CDH4: variants seen among roughly 807,000 people sequenced by gnomAD.
CDH4 encodes the protein cadherin-4.
Under a neutral mutation model 86.0 loss-of-function variants are expected in CDH4, and 33 were observed. The observed-to-expected ratio is 0.38, with a 90% confidence interval of 0.29 to 0.51. The LOEUF is 0.51. Among genes scored for constraint, CDH4 ranks in the 20% least tolerant of loss-of-function variants. The pLI is 0.86. For synonymous variants in CDH4, 555 were observed against 549.4 expected, an observed-to-expected ratio of 1.01 and a Z score of -0.14; for missense variants, 1,114 against 1,307.4, an observed-to-expected ratio of 0.85 and a Z score of 2.28.
chr20:61,765,093 C>T (rs765503346), intron 3 of CDH4, among the ~76,000 whole-genome samples: 1 of 152,172 alleles, frequency 6.6e-6, no homozygotes, highest in Non-Finnish European at 1.5e-5. Flanking sequence ...GCCTCAGGCC[C>T]CCACACCCTT....
intron 7 of CDH4, among the ~76,000 whole-genome samples, chr20:61,874,560 C>T (rs1047735912): frequency 2.6e-5 from 4 of 152,164 alleles, no homozygotes; most frequent in African/African-American, 9.6e-5. Context: ...TGGGTGAGGT[C>T]GGGGGCCTGC....
In CDH4 at chr20:61,392,807, C is replaced by A. The variant is rs942242234; in HGVS notation, c.169+137870C>A. Among the ~76,000 whole-genome samples the A allele has an allele frequency of 1.6e-4, 25 of 152,182 alleles. No homozygotes were observed. The highest frequency in any genetic ancestry group is 5.8e-4 in the African/African-American group (24 of 41,430). ...TAGCGGGGTAGAAACACTGGCCCCC[C>A]ACGGTGCTCTAGAAATGTCAGATGC... On this transcript the variant is annotated intron_variant, in intron 2 of 15. Transcript: ENST00000614565. This position sits in a 1 kb window ranked among gnomAD's most constrained non-coding sequence, Gnocchi z 5.7.
intron 6 of CDH4, among the ~76,000 whole-genome samples, chr20:61,869,384 T>C (rs1174682584): frequency 1.3e-5 from 2 of 152,178 alleles, no homozygotes; most frequent in African/African-American, 4.8e-5. Flanking sequence ...CTTTGAGGAG[T>C]TGGAACAGGG....
chr20:61,335,573 T>C (rs551875140), intron 2 of CDH4, among the ~76,000 whole-genome samples: 6 of 152,206 alleles, frequency 3.9e-5, no homozygotes, highest in Non-Finnish European at 8.8e-5. Context: ...CACATTTCTC[T>C]GAATCTCCAT....
chr20:61,486,510 C>T (rs1033585836), intron 2 of CDH4, among the ~76,000 whole-genome samples: 3 of 152,230 alleles, frequency 2.0e-5, no homozygotes, highest in Non-Finnish European at 1.5e-5. Flanking sequence ...AGCCAGTGTC[C>T]GGCATGTGCT....
intron 7 of CDH4, among the ~76,000 whole-genome samples, chr20:61,877,428 C>T (rs771743689): frequency 1.5e-4 from 21 of 144,270 alleles, no homozygotes; most frequent in Non-Finnish European, 8.9e-5. Context: ...ACATAAAATG[C>T]TCATTTAAAA....
chr20:61,732,969 A>G lies in CDH4; in HGVS notation c.170-10594A>G, dbSNP rs1328871795. ...AGCCCCTTCAGCACCGGCTAGAGTG[A>G]CCAGCTGGGGGCCTAATTCTCCCCC... On this transcript the variant is annotated intron_variant, in intron 2 of 15. Coordinates refer to ENST00000614565, the MANE Select transcript of CDH4 (RefSeq NM_001794.5). Among the ~76,000 whole-genome samples, 6 of 152,114 alleles carry G rather than the reference A, an allele frequency of 3.9e-5. No homozygotes were observed. The East Asian group carries it at 1.2e-3, about 29-fold the overall frequency.
chr20:61,584,878 C>A (rs533004794), intron 2 of CDH4, among the ~76,000 whole-genome samples: 1 of 151,042 alleles, frequency 6.6e-6, no homozygotes, highest in South Asian at 2.1e-4. Context: ...TTGTCGTCTG[C>A]AGGTCACAGT....
rs116267376 is a variant in CDH4 at position 61,758,852 on chromosome 20, C to T, written c.397-14151C>T. Among the ~76,000 whole-genome samples, 1,099 of 152,272 alleles carry T rather than the reference C, an allele frequency of 7.2e-3. 20 individuals carry two copies. The highest frequency in any genetic ancestry group is 0.025 in the African/African-American group (1,053 of 41,550). On this transcript the variant is annotated intron_variant, in intron 3 of 15. Transcript: ENST00000614565. ...CGGGGCAGGCACACGGGCCCTCCAG[C>T]GTCTCAGCTTCTAGCACAGTCAGGT...
At chr20:61,914,487 C>T (rs923197943) in intron 9 of CDH4, among the ~76,000 whole-genome samples, 1 of 149,394 alleles carries the variant, frequency 6.7e-6, no homozygotes, top group Non-Finnish European at 1.5e-5. Context: ...TTCTTCTTCC[C>T]GGGTGCGGGC....
intron 2 of CDH4, among the ~76,000 whole-genome samples, chr20:61,560,623 G>A (rs1268682013): frequency 6.6e-6 from 1 of 152,256 alleles, no homozygotes; most frequent in Non-Finnish European, 1.5e-5. Flanking sequence ...GGTCACAGCA[G>A]CCCCACCCGC....
chr20:61,580,957 G>T (rs1238115237), intron 2 of CDH4, among the ~76,000 whole-genome samples: 1 of 152,232 alleles, frequency 6.6e-6, no homozygotes, highest in Non-Finnish European at 1.5e-5. Flanking sequence ...GTCTGCTAAA[G>T]AGAGTCCGTC....
At chr20:61,432,198 A>G (rs929903153) in intron 2 of CDH4, among the ~76,000 whole-genome samples, 2 of 152,216 alleles carry the variant, frequency 1.3e-5, no homozygotes, top group Non-Finnish European at 2.9e-5. Flanking sequence ...TTAACTTTTT[A>G]AGAAGTTGCT....
At chr20:61,706,384 A>G (rs1401196122) in intron 2 of CDH4, among the ~76,000 whole-genome samples, 1 of 152,180 alleles carries the variant, frequency 6.6e-6, no homozygotes, top group Admixed American at 6.5e-5. Flanking sequence ...CAACTGACAG[A>G]AAACTGCAGC....
At chr20:61,257,593 G>T (rs1035726624) in intron 2 of CDH4, among the ~76,000 whole-genome samples, 1 of 152,222 alleles carries the variant, frequency 6.6e-6, no homozygotes, top group Non-Finnish European at 1.5e-5. Flanking sequence ...CTGTACTTTT[G>T]TTTTTAGGAT....
intron 3 of CDH4, among the ~76,000 whole-genome samples, chr20:61,757,342 C>T (rs1241483851): frequency 1.3e-5 from 2 of 152,230 alleles, no homozygotes; most frequent in Non-Finnish European, 2.9e-5. Flanking sequence ...GCTTGTAACT[C>T]TTCATGGGTG....
intron 9 of CDH4, among the ~76,000 whole-genome samples, chr20:61,918,268 G>A (rs144651474): frequency 6.6e-6 from 1 of 152,334 alleles, no homozygotes; most frequent in East Asian, 1.9e-4. Flanking sequence ...TCTGGATCAG[G>A]CGTCCCTTCA....
chr20:61,887,633 A>G (rs1211332269), intron 7 of CDH4, among the ~76,000 whole-genome samples: 1 of 152,254 alleles, frequency 6.6e-6, no homozygotes, highest in Admixed American at 6.5e-5. Flanking sequence ...CACCACAGCC[A>G]GGGGTGGCTT....
At chr20:61,831,744 C>T (rs568030817) in intron 4 of CDH4, among the ~76,000 whole-genome samples, 193 of 152,372 alleles carry the variant, frequency 1.3e-3, no homozygotes, top group African/African-American at 4.4e-3. Context: ...GGGATTTCTC[C>T]GCAACATACC....
Sources: allele counts gnomAD v4.1 joint callset (sites outside exome capture counted in the v4.1 genomes callset), GRCh38; gene constraint gnomAD v4.1.1; non-coding constraint Gnocchi (gnomAD v3.1); transcripts MANE v1.5; gene names NCBI Gene and HGNC (gene_info 2026-07-23, HGNC 2026-07-21).